The following STK38 variants were observed in gnomAD, a reference collection of about 807,000 sequenced individuals.
STK38 encodes the protein serine/threonine kinase 38.
A neutral mutation model predicts 59.0 loss-of-function variants in STK38; 26 were observed. The ratio of observed to expected loss-of-function variants is 0.44; its 90% CI spans 0.32 to 0.61. The LOEUF is 0.61. STK38 is among the 20% of genes least tolerant of loss of function. The pLI, the probability that STK38 is intolerant of heterozygous loss-of-function variation, is 0.04. For missense variants in STK38, 433 were observed against 566.0 expected (o/e 0.76, Z 2.38); for synonymous variants, 175 against 176.6 (o/e 0.99, Z 0.07).
chr6:36,515,557 A>C (rs985289370), intron 6 of STK38, 65 bp from the exon 7 acceptor site: 23 of 1,433,214 alleles, frequency 1.6e-5, no homozygotes, highest in Admixed American at 8.2e-5. Context: ...CACACACACA[A>C]CATACGAGTG....
At chr6:36,516,554 T>C (rs1376715959) in intron 6 of STK38, among the ~76,000 whole-genome samples, 1 of 152,194 alleles carries the variant, frequency 6.6e-6, no homozygotes, top group Non-Finnish European at 1.5e-5. Flanking sequence ...AATTAAACCA[T>C]TTATTAAAGT....
At chr6:36,527,212 A>G (rs1427021953) in intron 2 of STK38, among the ~76,000 whole-genome samples, 1 of 132,868 alleles carries the variant, frequency 7.5e-6, no homozygotes, top group Non-Finnish European at 1.6e-5. Flanking sequence ...AAAAAAATAT[A>G]TGTATATATA....
chr6:36,498,233 TTTTA>T, intron 11 of STK38, 126 bp downstream of exon 11: 1 of 1,316,578 alleles, frequency 7.6e-7, no homozygotes. Flanking sequence ...TGCACAGCCT[TTTTA>T]TTTGTTTAAA....
At chr6:36,520,680 T>C (rs576485843) in intron 5 of STK38, among the ~76,000 whole-genome samples, 3 of 152,282 alleles carry the variant, frequency 2.0e-5, no homozygotes, top group East Asian at 3.9e-4. Flanking sequence ...TTGAAAAAGG[T>C]TGGCGTTAGC....
chr6:36,536,946 CCT>C (rs1777806678), intron 2 of STK38, among the ~76,000 whole-genome samples: 1 of 150,774 alleles, frequency 6.6e-6, no homozygotes, highest in African/African-American at 2.4e-5. Context: ...ATATTTAAAA[CCT>C]CTGCTTGCCT....
intron 12 of STK38, among the ~76,000 whole-genome samples, chr6:36,497,515 A>G (rs1330956725): frequency 6.6e-6 from 1 of 152,214 alleles, no homozygotes; most frequent in Non-Finnish European, 1.5e-5. Flanking sequence ...AAAGGGTAAT[A>G]CGCTTCCTAG....
chr6:36,546,593 T>C, intron 1 of STK38, among the ~76,000 whole-genome samples: 1 of 152,214 alleles, frequency 6.6e-6, no homozygotes. Context: ...TCTGCCCGCT[T>C]TCTGACACAG....
chr6:36,532,443 GTA>G (rs1284638024), intron 2 of STK38, among the ~76,000 whole-genome samples: 5 of 151,782 alleles, frequency 3.3e-5, no homozygotes, highest in Admixed American at 1.3e-4. Flanking sequence ...TTATTGAGCT[GTA>G]TCAGTAAATC....
intron 9 of STK38, among the ~76,000 whole-genome samples, chr6:36,500,489 T>C (rs1195836053): frequency 6.6e-6 from 1 of 151,440 alleles, no homozygotes; most frequent in African/African-American, 2.4e-5. Flanking sequence ...TGGCCGGGAG[T>C]GGTGGTTCAC....
At position 36,497,813 on chromosome 6, in the gene STK38, G is replaced by C. The variant is rs759433974; in HGVS notation, c.1139C>G (p.Ser380Cys). The C allele has an allele frequency of 5.6e-6, 9 of 1,613,456 alleles. No homozygotes were observed. Among genetic ancestry groups the C allele is most frequent in the Non-Finnish European group, 6.8e-6 (8 of 1,179,878 alleles). Residue 380 changes from serine to cysteine, a missense_variant, in exon 12 of 14, where the codon TCT becomes TGT. Coordinates refer to ENST00000229812, the MANE Select transcript of STK38 (RefSeq NM_007271.4). Reference sequence around the variant, plus strand: ...TTCCCAGTCAACGCCTTCAAAAAAAGAGTTACTTTTTATTTCCTCAACTCC... The same window carrying C: ...TTCCCAGTCAACGCCTTCAAAAAAACAGTTACTTTTTATTTCCTCAACTCC... ...APGVEEIKSN[S>C]FFEGVDWEHI...
rs1776667779 is a variant in STK38 at position 36,495,080 on chromosome 6, TG to T, written c.*703del. 6.6e-6 allele frequency: 1 copy of T among 152,550 alleles called. No individual in the cohort carries two copies. Among genetic ancestry groups the T allele is most frequent in the South Asian group, 2.1e-4 (1 of 4,826 alleles). 9.4% of individuals were successfully genotyped at this position (152,550 alleles called of 1,614,324 possible). A position where few individuals can be genotyped will look rare whatever the true frequency, so the allele number is the denominator to read the frequency against. On this transcript the variant is annotated 3_prime_UTR_variant, in exon 14 of 14. Coordinates refer to ENST00000229812, the MANE Select transcript of STK38 (RefSeq NM_007271.4). ...TTTCTGGGCCTTCTAAGAGCAACAG[TG>T]GATCAAGCTGGTAACCCCCATCAAC... is the stretch of plus-strand genomic sequence containing the variant.
chr6:36,520,972 CTT>C (rs1439985830), intron 5 of STK38, among the ~76,000 whole-genome samples: 1 of 152,136 alleles, frequency 6.6e-6, no homozygotes, highest in Admixed American at 6.5e-5. Flanking sequence ...AACATCAAAT[CTT>C]TTACAGGACA....
chr6:36,498,229 G>A (rs1776752846), intron 11 of STK38, 134 bp downstream of exon 11: 1 of 1,273,960 alleles, frequency 7.8e-7, no homozygotes, highest in Non-Finnish European at 1.1e-6. Context: ...ACCATGCACA[G>A]CCTTTTTATT....
chr6:36,514,112 CCT>C (rs1777186325), intron 7 of STK38, among the ~76,000 whole-genome samples: 1 of 149,490 alleles, frequency 6.7e-6, no homozygotes, highest in Non-Finnish European at 1.5e-5. Flanking sequence ...CCGAGACTGC[CCT>C]AGTGCACTCC....
intron 4 of STK38, among the ~76,000 whole-genome samples, chr6:36,522,876 A>AAAAT (rs774099487): frequency 1.0e-5 from 1 of 98,864 alleles, no homozygotes; most frequent in African/African-American, 4.5e-5. Context: ...AAAAAAAAAA[A>AAAAT]AAGAAGAAGA....
At chr6:36,541,116 T>C (rs1383117575) in intron 1 of STK38, among the ~76,000 whole-genome samples, 1 of 151,446 alleles carries the variant, frequency 6.6e-6, no homozygotes, top group African/African-American at 2.4e-5. Context: ...ACCAGGATGG[T>C]CTCAAAACTC....
chr6:36,527,203 A>ATAT lies in STK38; in HGVS notation c.132-1562_132-1561insATA, dbSNP rs1421433987. Among the ~76,000 whole-genome samples the ATAT allele has an allele frequency of 4.2e-4, 51 of 121,122 alleles. 1 individual carries two copies. The highest frequency in any genetic ancestry group is 4.2e-3 in the Middle Eastern group (1 of 240). The allele number at this position is 121,122 out of a possible 152,430, so 79.5% of individuals were successfully genotyped here. On this transcript the variant is annotated intron_variant, in intron 2 of 13. Transcript: ENST00000229812. ...CAAGACTCCGTCTCAAAAAAAAAAA[A>ATAT]AAAAATATATGTATATATATATATA...
chr6:36,518,457 A>G (rs1204404196), intron 5 of STK38, among the ~76,000 whole-genome samples: 2 of 152,220 alleles, frequency 1.3e-5, no homozygotes, highest in African/African-American at 2.4e-5. Context: ...GAGAACCGGA[A>G]TTATTTTGTT....
rs1276574852 is a variant in STK38 at position 36,495,360 on chromosome 6, T to A, written c.*424A>T. 1.2e-5 allele frequency: 2 copies of A among 168,316 alleles called. No individual in the cohort carries two copies. Among genetic ancestry groups the A allele is most frequent in the African/African-American group, 2.4e-5 (1 of 41,734 alleles). 10.4% of individuals were successfully genotyped at this position (168,316 alleles called of 1,614,324 possible). A position where few individuals can be genotyped will look rare whatever the true frequency, so the allele number is the denominator to read the frequency against. On this transcript the variant is annotated 3_prime_UTR_variant, in exon 14 of 14. Coordinates refer to ENST00000229812, the MANE Select transcript of STK38 (RefSeq NM_007271.4). The stretch of plus-strand genomic sequence containing the variant: ...TCCTTAGTACTATGGAACTTTTAGC[T>A]ATAAAGGAAATACTTGGTGGGCTTG...
Sources: gnomAD v4.1 joint callset for allele counts (sites outside exome capture counted in the v4.1 genomes callset) on GRCh38, gnomAD v4.1.1 for gene constraint, MANE v1.5 for transcripts, NCBI Gene and HGNC (gene_info 2026-07-23, HGNC 2026-07-21) for gene names.